NEXN: variants seen among roughly 807,000 people sequenced by gnomAD.
NEXN encodes nexilin F-actin binding protein.
NEXN carries 65 observed loss-of-function variants against 92.6 expected under a neutral mutation model. The ratio of observed to expected loss-of-function variants is 0.70; its 90% CI spans 0.57 to 0.86. The LOEUF is 0.86. NEXN is among the 40% of genes least tolerant of loss of function. The pLI, the probability that NEXN is intolerant of heterozygous loss-of-function variation, is 0.00. For synonymous variants in NEXN, 254 were observed against 242.5 expected (o/e 1.05, Z -0.44); for missense variants, 778 against 771.1 (o/e 1.01, Z -0.11).
At position 77,926,603 on chromosome 1, in the gene NEXN, T is replaced by G. The variant is rs1185561907; in HGVS notation, c.679T>G (p.Leu227Val). The G allele has an allele frequency of 1.2e-6, 2 of 1,613,948 alleles. No homozygotes were observed. Among genetic ancestry groups the G allele is most frequent in the Admixed American group, 3.3e-5 (2 of 60,024 alleles). Residue 227 changes from leucine (L) to valine (V), a missense_variant, in exon 7 of 13, where the codon TTA becomes GTA. Around this residue, in one of 3 missense-constraint regions of NEXN, gnomAD observed 236 missense variants for 265.6 expected, o/e 0.89. Coordinates refer to ENST00000334785, the MANE Select transcript of NEXN (RefSeq NM_144573.4). ...PSLKEAKCLS[L>V]VMDDEIESEA... Reference sequence around the variant, plus strand: ...TCTCAAGGAAGCAAAGTGTCTTTCATTAGTTATGGTAAATTTTTGTTTGTT... The same window carrying G: ...TCTCAAGGAAGCAAAGTGTCTTTCAGTAGTTATGGTAAATTTTTGTTTGTT...
chr1:77,890,870 G>A (rs1647091085), intron 1 of NEXN, among the ~76,000 whole-genome samples: 1 of 152,002 alleles, frequency 6.6e-6, no homozygotes, highest in African/African-American at 2.4e-5. Context: ...ATAGAAGAGA[G>A]GACTGTTATT....
At chr1:77,894,553 G>A (rs1045754302) in intron 1 of NEXN, among the ~76,000 whole-genome samples, 1 of 151,862 alleles carries the variant, frequency 6.6e-6, no homozygotes, top group African/African-American at 2.4e-5. Context: ...CAGTCCTCCC[G>A]CCTCAGCCTT....
chr1:77,925,161 T>G (rs745880374), intron 5 of NEXN, 27 bp from the exon 6 acceptor site: 1 of 1,492,140 alleles, frequency 6.7e-7, no homozygotes, highest in African/African-American at 1.4e-5. Context: ...TGATGTAATG[T>G]AATGATATGA....
intron 1 of NEXN, among the ~76,000 whole-genome samples, chr1:77,898,719 T>C (rs1396338835): frequency 6.6e-6 from 1 of 152,058 alleles, no homozygotes; most frequent in Non-Finnish European, 1.5e-5. Context: ...TCAGAGTGAA[T>C]AGGCAACCTA....
At chr1:77,936,493 T>A (rs550187397) in intron 11 of NEXN, among the ~76,000 whole-genome samples, 1 of 152,232 alleles carries the variant, frequency 6.6e-6, no homozygotes, top group African/African-American at 2.4e-5. Context: ...AACCAGTGTA[T>A]ATTCAAGTTA....
chr1:77,918,249 T>C lies in NEXN; in HGVS notation c.423T>C (p.Arg141=), dbSNP rs1649138016. 4 of 1,613,914 alleles carry C rather than the reference T, an allele frequency of 2.5e-6. No individual in the cohort carries two copies. The highest frequency in any genetic ancestry group is 3.4e-6 in the Non-Finnish European group (4 of 1,179,984). ...TGTTAGAAAAGAGGAAAATACAGCG[T>C]GAATTAGCAAAAAGGGCTGAACAGG... ...QDMLEKRKIQ[R]ELAKRAEQIE... Residue 141 remains arginine, a synonymous_variant, in exon 5 of 13, where the codon CGT becomes CGC. Coordinates refer to ENST00000334785, the MANE Select transcript of NEXN (RefSeq NM_144573.4).
intron 1 of NEXN, among the ~76,000 whole-genome samples, chr1:77,904,633 C>G (rs1047805454): frequency 1.3e-5 from 2 of 152,018 alleles, no homozygotes; most frequent in Non-Finnish European, 2.9e-5. Flanking sequence ...GGGAAGGGAG[C>G]GTAGAGTCTA....
chr1:77,925,225 C>A lies in NEXN; in HGVS notation c.485C>A (p.Ser162Ter). ...AACAATACGGGAACTGAATCAGCAT[C>A]AGAGGTAAACAGACATTTCCTTTAA... is the stretch of plus-strand genomic sequence containing the variant. ...DINNTGTESA[S>*]EEGDDSLLIT... is the part of the protein sequence containing the mutation. Residue 162 changes from serine (S) to a stop codon, truncating the protein, a stop_gained, in exon 6 of 13, where the codon TCA becomes TAA. Coordinates refer to ENST00000334785, the MANE Select transcript of NEXN (RefSeq NM_144573.4). LOFTEE classifies it high-confidence loss of function. The A allele has an allele frequency of 6.3e-7, 1 of 1,592,326 alleles. No individual in the cohort carries two copies. The highest frequency in any genetic ancestry group is 8.6e-7 in the Non-Finnish European group (1 of 1,161,998).
intron 1 of NEXN, among the ~76,000 whole-genome samples, chr1:77,904,104 T>C (rs1378374557): frequency 6.6e-6 from 1 of 152,164 alleles, no homozygotes; most frequent in Admixed American, 6.6e-5. Context: ...GGGATTCTCC[T>C]GCCTCAGCCT....
At chr1:77,908,206 T>C (rs1253786237) in intron 1 of NEXN, among the ~76,000 whole-genome samples, 1 of 152,028 alleles carries the variant, frequency 6.6e-6, no homozygotes, top group Non-Finnish European at 1.5e-5. Flanking sequence ...GTGTCCCAAA[T>C]AGCTGGGACT....
At chr1:77,910,767 A>C (rs1192667290) in intron 1 of NEXN, among the ~76,000 whole-genome samples, 1 of 151,754 alleles carries the variant, frequency 6.6e-6, no homozygotes, top group South Asian at 2.1e-4. Context: ...AAAAAAAAAA[A>C]AAAACTAATA....
chr1:77,931,475 C>CT (rs1383880307), intron 9 of NEXN, among the ~76,000 whole-genome samples: 2 of 140,798 alleles, frequency 1.4e-5, no homozygotes, highest in Non-Finnish European at 3.1e-5. Context: ...GTGAAGATTA[C>CT]TAGACCTAGT....
chr1:77,943,183 T>C lies in NEXN; in HGVS notation c.*354T>C, dbSNP rs1237293236. The C allele has an allele frequency of 1.3e-5, 4 of 298,620 alleles. No individual in the cohort carries two copies. The highest frequency in any genetic ancestry group is 2.6e-5 in the Non-Finnish European group (4 of 152,506). 18.5% of individuals were successfully genotyped at this position (298,620 alleles called of 1,614,324 possible). ...TCAATTATTCTATCAGAACCTATTA[T>C]AAAGACTGTATTTCCCATAGACGTT... On this transcript the variant is annotated 3_prime_UTR_variant, in exon 13 of 13. Transcript: ENST00000334785.
intron 5 of NEXN, among the ~76,000 whole-genome samples, chr1:77,921,479 C>G (rs559849839): frequency 6.6e-6 from 1 of 152,272 alleles, no homozygotes; most frequent in African/African-American, 2.4e-5. Context: ...GAGTCTTGCT[C>G]TGTTGCCCAG....
Position 77,916,044 on chromosome 1 carries a change from A to AT in NEXN, c.-52-4dup, listed in dbSNP as rs972673849. ...AATTAAAATTTATTATACAATATAA[A>AT]TTTTTTTCAGGTGCAAATATATACA... On this transcript the variant is annotated splice_polypyrimidine_tract_variant and intron_variant, in intron 1 of 12. Transcript: ENST00000334785. 5 of 1,102,352 alleles carry AT rather than the reference A, an allele frequency of 4.5e-6. No homozygotes were observed. The highest frequency in any genetic ancestry group is 1.6e-5 in the African/African-American group (1 of 61,062). 68.3% of individuals were successfully genotyped at this position (1,102,352 alleles called of 1,614,324 possible).
intron 11 of NEXN, among the ~76,000 whole-genome samples, chr1:77,938,884 G>C (rs1019294946): frequency 2.0e-5 from 3 of 152,198 alleles, no homozygotes; most frequent in Non-Finnish European, 4.4e-5. Flanking sequence ...AAGGTTCACA[G>C]AATAAGTGAT....
chr1:77,930,425 C>T (rs115732305), intron 9 of NEXN, among the ~76,000 whole-genome samples: 56 of 152,306 alleles, frequency 3.7e-4, no homozygotes, highest in African/African-American at 1.3e-3. Context: ...TACAACTTGC[C>T]TGGGGCCAAC....
At chr1:77,923,529 T>G (rs1484907908) in intron 5 of NEXN, among the ~76,000 whole-genome samples, 2 of 152,128 alleles carry the variant, frequency 1.3e-5, no homozygotes, top group Admixed American at 1.3e-4. Context: ...ATTTTCCCAT[T>G]GCTTTTGTTT....
intron 11 of NEXN, among the ~76,000 whole-genome samples, chr1:77,936,999 T>C (rs1002627937): frequency 1.3e-5 from 2 of 152,160 alleles, no homozygotes; most frequent in Non-Finnish European, 2.9e-5. Context: ...TTAGATGCCA[T>C]GTGAAGGGAT....
Sources: allele counts gnomAD v4.1 joint callset (sites outside exome capture counted in the v4.1 genomes callset), GRCh38; gene constraint gnomAD v4.1.1; regional missense constraint gnomAD v4.1.1; transcripts MANE v1.5; gene names NCBI Gene and HGNC (gene_info 2026-07-23, HGNC 2026-07-21).